HNF4G: variants seen among roughly 807,000 people sequenced by gnomAD.
HNF4G encodes hepatocyte nuclear factor 4 gamma.
A neutral mutation model predicts 50.9 loss-of-function variants in HNF4G; 21 were observed. That is an observed-to-expected ratio of 0.41 (90% confidence interval 0.29 to 0.59). HNF4G has a LOEUF of 0.59. Among genes scored for constraint, HNF4G ranks in the 20% least tolerant of loss-of-function variants. The pLI is 0.26. For missense variants in HNF4G, 527 were observed against 559.4 expected (o/e 0.94, Z 0.58); for synonymous variants, 198 against 185.6 (o/e 1.07, Z -0.54).
chr8:75,531,026 T>C (rs1806313071), intron 2 of HNF4G, among the ~76,000 whole-genome samples: 1 of 152,042 alleles, frequency 6.6e-6, no homozygotes, highest in South Asian at 2.1e-4. Context: ...ACTCCTGACC[T>C]CAGGTGATCC....
intron 3 of HNF4G, among the ~76,000 whole-genome samples, chr8:75,549,767 A>C (rs544915755): frequency 4.0e-5 from 6 of 150,308 alleles, no homozygotes; most frequent in African/African-American, 1.5e-4. Flanking sequence ...CTCTCCCCCT[A>C]CCCCACAACA....
intron 1 of HNF4G, among the ~76,000 whole-genome samples, chr8:75,444,261 A>G (rs1811365895): frequency 6.6e-6 from 1 of 151,872 alleles, no homozygotes; most frequent in African/African-American, 2.4e-5. Context: ...CCTGCCCTAA[A>G]AGAGCTCCTG....
intron 2 of HNF4G, among the ~76,000 whole-genome samples, chr8:75,498,591 A>G (rs559177097): frequency 1.1e-4 from 17 of 152,216 alleles, no homozygotes; most frequent in Admixed American, 7.8e-4. Context: ...AGATGAAGAT[A>G]TCAAAAGAAA....
chr8:75,466,634 T>C (rs1466256490), intron 1 of HNF4G, among the ~76,000 whole-genome samples: 360 of 27,462 alleles, frequency 0.013, 8 homozygotes, highest in South Asian at 0.081. Context: ...CCTTCCTTCC[T>C]TCTCCCTTCC....
At chr8:75,546,262 C>A (rs572817891) in intron 2 of HNF4G, among the ~76,000 whole-genome samples, 1 of 152,194 alleles carries the variant, frequency 6.6e-6, no homozygotes, top group East Asian at 1.9e-4. Flanking sequence ...TGTGCAAGTC[C>A]TTCTCTTTAT....
chr8:75,500,374 G>A (rs2130703398), intron 2 of HNF4G, among the ~76,000 whole-genome samples: 1 of 152,258 alleles, frequency 6.6e-6, no homozygotes, highest in East Asian at 1.9e-4. Flanking sequence ...AGTAACGAGT[G>A]TTGGTGAAGA....
chr8:75,458,373 T>C (rs1811772005), intron 1 of HNF4G, among the ~76,000 whole-genome samples: 1 of 145,006 alleles, frequency 6.9e-6, no homozygotes, highest in African/African-American at 2.5e-5. Context: ...GTCTAACTTT[T>C]TTTTTTTTTT....
chr8:75,519,483 C>T (rs1805980466), intron 2 of HNF4G, among the ~76,000 whole-genome samples: 1 of 152,100 alleles, frequency 6.6e-6, no homozygotes, highest in South Asian at 2.1e-4. Flanking sequence ...AAAGACATAC[C>T]CGAGACTGGG....
chr8:75,520,067 G>A (rs1806000343), intron 2 of HNF4G, among the ~76,000 whole-genome samples: 1 of 150,642 alleles, frequency 6.6e-6, no homozygotes, highest in South Asian at 2.1e-4. Flanking sequence ...TACTTCTTTT[G>A]TTTACTTATT....
rs527410953 is a variant in HNF4G at position 75,526,158 on chromosome 8, T to C, written c.-23-17653T>C. 1.6e-4 allele frequency among the ~76,000 whole-genome samples: 24 copies of C among 150,908 alleles called. No homozygotes were observed. In the South Asian group the frequency reaches 4.8e-3, roughly 30 times the overall value. ...TATTTATTTATTTAGAGATAGGGCC[T>C]CACTCTGTCACCCAGGCTGGAGTGC... On this transcript the variant is annotated intron_variant, in intron 2 of 10. Coordinates refer to the HNF4G transcript ENST00000354370.
At chr8:75,422,734 C>T (rs572040938) in intron 1 of HNF4G, among the ~76,000 whole-genome samples, 93 of 151,898 alleles carry the variant, frequency 6.1e-4, no homozygotes, top group Non-Finnish European at 1.0e-3. Context: ...CCCAGGTTCA[C>T]GCCATTCTCC....
chr8:75,469,948 T>A (rs1812075057), intron 1 of HNF4G, among the ~76,000 whole-genome samples: 1 of 152,130 alleles, frequency 6.6e-6, no homozygotes, highest in African/African-American at 2.4e-5. Context: ...GTGTCCCCTG[T>A]TTAAAGGGCT....
chr8:75,548,299 G>A (rs553047498), intron 3 of HNF4G, among the ~76,000 whole-genome samples: 1 of 151,960 alleles, frequency 6.6e-6, no homozygotes, highest in Non-Finnish European at 1.5e-5. Context: ...TGTATTTTTT[G>A]TTGTTGTTGT....
chr8:75,440,306 G>C (rs1261228361), intron 1 of HNF4G, among the ~76,000 whole-genome samples: 2 of 152,236 alleles, frequency 1.3e-5, no homozygotes, highest in Non-Finnish European at 2.9e-5. Context: ...GTGTTTTAAA[G>C]TATGCTGTCA....
intron 1 of HNF4G, among the ~76,000 whole-genome samples, chr8:75,430,513 A>T (rs1341822349): frequency 6.6e-6 from 1 of 151,934 alleles, no homozygotes; most frequent in South Asian, 2.1e-4. Flanking sequence ...GGAGAGAGAG[A>T]GAGAGAGAGC....
At chr8:75,503,821 A>AGCT (rs1304307804) in intron 2 of HNF4G, among the ~76,000 whole-genome samples, 3 of 152,178 alleles carry the variant, frequency 2.0e-5, no homozygotes, top group African/African-American at 7.2e-5. Context: ...CATGGTCACA[A>AGCT]GCTGTAATCT....
In HNF4G at chr8:75,565,109, A is replaced by G. The variant is rs1449118365; in HGVS notation, c.*1013A>G. ...ACTTTAGCTTGAGGGTTTAAGGAAC[A>G]TAACCAAAGTTCACAAACATAACGA... On this transcript the variant is annotated 3_prime_UTR_variant, in exon 10 of 10. Transcript: ENST00000396423. 1 of 152,238 alleles carries G rather than the reference A, an allele frequency of 6.6e-6. No individual in the cohort carries two copies. The highest frequency in any genetic ancestry group is 1.9e-4 in the East Asian group (1 of 5,200). 9.4% of individuals were successfully genotyped at this position (152,238 alleles called of 1,614,324 possible).
intron 1 of HNF4G, among the ~76,000 whole-genome samples, chr8:75,477,202 A>G (rs901828915): frequency 6.6e-6 from 1 of 152,200 alleles, no homozygotes; most frequent in Non-Finnish European, 1.5e-5. Context: ...TATTGCCATT[A>G]CAAAGAAAAC....
intron 1 of HNF4G, among the ~76,000 whole-genome samples, chr8:75,408,380 G>A (rs568592308): frequency 6.6e-6 from 1 of 152,192 alleles, no homozygotes; most frequent in African/African-American, 2.4e-5. Flanking sequence ...CTGTGGCCTG[G>A]GGCAAGGCCA....
Sources: gnomAD v4.1 joint callset for allele counts (sites outside exome capture counted in the v4.1 genomes callset) on GRCh38, gnomAD v4.1.1 for gene constraint, MANE v1.5 for transcripts, NCBI Gene and HGNC (gene_info 2026-07-23, HGNC 2026-07-21) for gene names.